The following CNTNAP2 variants were observed in gnomAD, a reference collection of about 807,000 sequenced individuals.
CNTNAP2 encodes contactin associated protein 2.
In CNTNAP2, 98 loss-of-function variants were observed where a neutral mutation model predicts 155.2. The observed-to-expected ratio is 0.63, with a 90% confidence interval of 0.54 to 0.75. The LOEUF is 0.75. CNTNAP2 is among the 30% of genes least tolerant of loss of function. CNTNAP2 has a pLI of 0.00. For missense variants in CNTNAP2, 1,727 were observed against 1,688.1 expected, an observed-to-expected ratio of 1.02 and a Z score of -0.40; for synonymous variants, 651 against 631.2, an observed-to-expected ratio of 1.03 and a Z score of -0.47.
At chr7:147,222,518 T>C (rs1803423982) in intron 8 of CNTNAP2, among the ~76,000 whole-genome samples, 1 of 152,210 alleles carries the variant, frequency 6.6e-6, no homozygotes, top group South Asian at 2.1e-4. Context: ...CTTAGCATAT[T>C]ATCATAATTG....
rs140520989 is a variant in CNTNAP2, at chr7:147,998,899, TTAAAA to T, written c.2383+20913_2383+20917del. 4.9e-3 allele frequency among the ~76,000 whole-genome samples: 743 copies of T among 152,286 alleles called. 4 individuals are homozygous for T. The highest frequency in any genetic ancestry group is 0.017 in the African/African-American group (710 of 41,560). On this transcript the variant is annotated intron_variant, in intron 15 of 23. Coordinates refer to ENST00000361727, the MANE Select transcript of CNTNAP2 (RefSeq NM_014141.6). ...TTAAAATAAAACCTTTAATCTTTAA[TTAAAA>T]TATTAAACTCTTCACTTGTGCTTAG...
chr7:147,165,394 G>C (rs570174926), intron 8 of CNTNAP2, among the ~76,000 whole-genome samples: 3 of 152,158 alleles, frequency 2.0e-5, no homozygotes, highest in African/African-American at 7.2e-5. Flanking sequence ...GTAAAGTCTG[G>C]ATATTAGTCC....
chr7:148,395,571 G>A (rs1799449494), intron 22 of CNTNAP2, among the ~76,000 whole-genome samples: 1 of 151,888 alleles, frequency 6.6e-6, no homozygotes, highest in African/African-American at 2.4e-5. Context: ...AAGCAGTTGG[G>A]GGTGCGCTCT....
chr7:146,907,739 C>G (rs1237672017), intron 3 of CNTNAP2, among the ~76,000 whole-genome samples: 2 of 150,240 alleles, frequency 1.3e-5, no homozygotes, highest in Non-Finnish European at 3.0e-5. Flanking sequence ...GAAACTGCAT[C>G]AACTAATGAG....
intron 4 of CNTNAP2, among the ~76,000 whole-genome samples, chr7:147,064,774 A>C (rs1352686723): frequency 6.6e-6 from 1 of 152,142 alleles, no homozygotes; most frequent in Non-Finnish European, 1.5e-5. Flanking sequence ...CTCCAACAAA[A>C]CTATATAAAA....
intron 1 of CNTNAP2, among the ~76,000 whole-genome samples, chr7:146,520,936 A>C (rs1358336112): frequency 6.6e-6 from 1 of 151,850 alleles, no homozygotes; most frequent in African/African-American, 2.4e-5. Context: ...TCTGACTCCA[A>C]CACTTTCCAT....
rs556596755 is a variant in CNTNAP2, at chr7:146,203,334, C to A, written c.97+86361C>A. On this transcript the variant is annotated intron_variant, in intron 1 of 23. Coordinates refer to ENST00000361727, the MANE Select transcript of CNTNAP2 (RefSeq NM_014141.6). ...TCTGATGGACAAGCTACAAATCATTCCTACAAACCCTTCCTTTGGGTTCAG... is the reference window on the plus strand; with the variant it reads ...TCTGATGGACAAGCTACAAATCATTACTACAAACCCTTCCTTTGGGTTCAG... Among the ~76,000 whole-genome samples, 121 of 152,326 alleles carry A rather than the reference C, an allele frequency of 7.9e-4. 1 individual carries two copies. The highest frequency in any genetic ancestry group is 2.8e-3 in the African/African-American group (117 of 41,572).
At chr7:147,984,217 C>A (rs186044311) in intron 15 of CNTNAP2, among the ~76,000 whole-genome samples, 1 of 152,112 alleles carries the variant, frequency 6.6e-6, no homozygotes, top group African/African-American at 2.4e-5. Flanking sequence ...GGGTTTTAGC[C>A]GGCTTCTTTA....
intron 11 of CNTNAP2, among the ~76,000 whole-genome samples, chr7:147,493,237 G>A (rs1798640015): frequency 6.6e-6 from 1 of 152,142 alleles, no homozygotes; most frequent in South Asian, 2.1e-4. Flanking sequence ...GTTTTTATTA[G>A]CAAGTATAAT....
At chr7:146,721,255 A>G (rs1019075756) in intron 1 of CNTNAP2, among the ~76,000 whole-genome samples, 8 of 131,700 alleles carry the variant, frequency 6.1e-5, no homozygotes, top group Non-Finnish European at 1.1e-4. Context: ...TATATTCTCT[A>G]TATACTCTCT....
intron 14 of CNTNAP2, among the ~76,000 whole-genome samples, chr7:147,948,182 G>C (rs181203140): frequency 6.7e-4 from 102 of 151,930 alleles, no homozygotes; most frequent in Non-Finnish European, 1.2e-3. Flanking sequence ...CATTCTAGGG[G>C]GAGGGGGGCA....
intron 1 of CNTNAP2, among the ~76,000 whole-genome samples, chr7:146,257,089 C>T (rs4373446): frequency 0.041 from 6,286 of 152,218 alleles, 387 homozygotes; most frequent in African/African-American, 0.14. Flanking sequence ...AAAGACCTAG[C>T]CACAGGCAAT....
intron 13 of CNTNAP2, among the ~76,000 whole-genome samples, chr7:147,642,964 G>C (rs1485369382): frequency 1.3e-5 from 2 of 152,120 alleles, no homozygotes; most frequent in Non-Finnish European, 2.9e-5. Flanking sequence ...TTGGGGCAGT[G>C]GTTTAAGCAG....
chr7:147,119,985 G>A (rs1283643019), intron 5 of CNTNAP2, among the ~76,000 whole-genome samples: 1 of 152,120 alleles, frequency 6.6e-6, no homozygotes, highest in Non-Finnish European at 1.5e-5. Context: ...AAATATGTTA[G>A]ATTCTAACAA....
intron 1 of CNTNAP2, among the ~76,000 whole-genome samples, chr7:146,160,370 C>CA (rs779640469): frequency 2.8e-4 from 42 of 152,116 alleles, no homozygotes; most frequent in Admixed American, 4.6e-4. Flanking sequence ...GATAGAGACA[C>CA]AAAAAACCCT....
At chr7:146,400,642 T>C (rs1795701385) in intron 1 of CNTNAP2, among the ~76,000 whole-genome samples, 2 of 152,240 alleles carry the variant, frequency 1.3e-5, no homozygotes, top group Admixed American at 1.3e-4. Context: ...GGGGTTGTTT[T>C]CTTTAGGCCC....
At chr7:147,182,742 C>A (rs1299547408) in intron 8 of CNTNAP2, among the ~76,000 whole-genome samples, 1 of 151,824 alleles carries the variant, frequency 6.6e-6, no homozygotes, top group Admixed American at 6.6e-5. Context: ...TTTATTATTT[C>A]TCTGCTTTAC....
At chr7:148,163,273 C>T (rs1805585644) in intron 17 of CNTNAP2, among the ~76,000 whole-genome samples, 1 of 152,166 alleles carries the variant, frequency 6.6e-6, no homozygotes, top group Non-Finnish European at 1.5e-5. Flanking sequence ...CTCTTATTCT[C>T]AGTTCACTCG....
At chr7:146,151,652 A>ACG (rs1205857078) in intron 1 of CNTNAP2, among the ~76,000 whole-genome samples, 1 of 27,374 alleles carries the variant, frequency 3.7e-5, no homozygotes, top group African/African-American at 1.1e-4. Context: ...ATATATATAT[A>ACG]TATATATATA....
Sources: gnomAD v4.1 joint callset for allele counts (sites outside exome capture counted in the v4.1 genomes callset) on GRCh38, gnomAD v4.1.1 for gene constraint, MANE v1.5 for transcripts, NCBI Gene and HGNC (gene_info 2026-07-23, HGNC 2026-07-21) for gene names.